HIF3A: variants seen among roughly 807,000 people sequenced by gnomAD.
HIF3A encodes hypoxia-inducible factor 3-alpha.
A neutral mutation model predicts 67.2 loss-of-function variants in HIF3A; 41 were observed. The ratio of observed to expected loss-of-function variants is 0.61; its 90% CI spans 0.48 to 0.79. The LOEUF (loss-of-function observed/expected upper bound fraction) is 0.79, where lower values mean the gene tolerates loss of function less well. HIF3A is among the 30% of genes least tolerant of loss of function. HIF3A has a pLI of 0.00. For synonymous variants in HIF3A, 356 were observed against 374.8 expected (o/e 0.95, Z 0.58); for missense variants, 855 against 898.0 (o/e 0.95, Z 0.61).
chr19:46,314,935 G>A (rs1322844627), intron 8 of HIF3A, among the ~76,000 whole-genome samples: 1 of 146,992 alleles, frequency 6.8e-6, no homozygotes, highest in Non-Finnish European at 1.5e-5. Flanking sequence ...GGCAACCACT[G>A]TCCTCAGACC....
intron 13 of HIF3A, among the ~76,000 whole-genome samples, chr19:46,333,693 C>T: frequency 6.6e-6 from 1 of 151,966 alleles, no homozygotes; most frequent in Non-Finnish European, 1.5e-5. Context: ...CTCAGCATCC[C>T]TTAACTACTG....
In HIF3A at chr19:46,338,499, G is replaced by A. The variant is rs1184857945; in HGVS notation, c.1913-1026G>A. ...ATTACTGGTATGAACCACCACGCCC[G>A]ACAGTAAATATGTTTTGAATGAATA... is the stretch of plus-strand genomic sequence containing the variant. On this transcript the variant is annotated intron_variant, in intron 14 of 14. Coordinates refer to ENST00000377670, the MANE Select transcript of HIF3A (RefSeq NM_152795.4). 20 of 1,144,382 alleles carry A rather than the reference G, an allele frequency of 1.7e-5. 1 individual carries two copies. Among genetic ancestry groups the A allele is most frequent in the African/African-American group, 1.2e-4 (7 of 60,194 alleles). The allele number at this position is 1,144,382 out of a possible 1,614,324, so 70.9% of individuals were successfully genotyped here. A position where few individuals can be genotyped will look rare whatever the true frequency, so the allele number is the denominator to read the frequency against.
At position 46,312,602 on chromosome 19, in the gene HIF3A, G is replaced by A. The variant is rs1369027911; in HGVS notation, c.974G>A (p.Gly325Glu). 1.9e-6 allele frequency: 3 copies of A among 1,599,568 alleles called. No homozygotes were observed. Among genetic ancestry groups the A allele is most frequent in the Non-Finnish European group, 2.6e-6 (3 of 1,172,762 alleles). Residue 325 changes from glycine to glutamate, a missense_variant, in exon 8 of 15, where the codon GGG becomes GAG. This residue lies in a region of HIF3A where 638 missense variants were observed against 660.5 expected (regional missense o/e 0.97). Transcript: ENST00000377670. ...WTQTQATVVS[G>E]GRGPQSESIV... ...CAGACCCAGGCCACAGTGGTGTCAG[G>A]GGGACGGGGCCCCCAGTCGGAGAGT...
rs540915779 is a variant in HIF3A, at chr19:46,329,472, G to A, written c.1706G>A (p.Arg569Gln). The A allele has an allele frequency of 2.2e-5, 34 of 1,516,324 alleles. No individual in the cohort carries two copies. Among genetic ancestry groups the A allele is most frequent in the East Asian group, 2.1e-4 (9 of 42,888 alleles). The allele number at this position is 1,516,324 out of a possible 1,614,324, so 93.9% of individuals were successfully genotyped here. A position where few individuals can be genotyped will look rare whatever the true frequency, so the allele number is the denominator to read the frequency against. ...PSASSPMAGA[R>Q]KRTLAQSSED... is the part of the protein sequence containing the mutation. The stretch of plus-strand genomic sequence containing the variant: ...GCATCCTCTCCCATGGCTGGGGCTC[G>A]GAAGAGGTGAGCCACAGTAAAGGGG... The change falls in exon 12 of 15, where the codon CGG becomes CAG. Residue 569 changes from arginine to glutamine, a missense_variant. This residue lies in a region of HIF3A where 199 missense variants were observed against 193.8 expected (regional missense o/e 1.03). Coordinates refer to ENST00000377670, the MANE Select transcript of HIF3A (RefSeq NM_152795.4).
At chr19:46,324,617 G>A (rs1488798103) in intron 10 of HIF3A, among the ~76,000 whole-genome samples, 1 of 151,756 alleles carries the variant, frequency 6.6e-6, no homozygotes, top group Admixed American at 6.6e-5. Context: ...ACTTTGGGAG[G>A]CTGAGGTGGG....
chr19:46,302,703 G>T (rs1968449148), intron 1 of HIF3A, among the ~76,000 whole-genome samples: 1 of 152,132 alleles, frequency 6.6e-6, no homozygotes, highest in South Asian at 2.1e-4. Context: ...ATGACACACT[G>T]TCTCTACAAA....
chr19:46,297,163 G>T lies in HIF3A; in HGVS notation c.26+61G>T. ...GGGGGCTCTCCTCCTGGAGACCCCT[G>T]AGCTGGATTGTTGGGGGGGGTGGGG... On this transcript the variant is annotated intron_variant, in intron 1 of 14. Coordinates refer to ENST00000377670, the MANE Select transcript of HIF3A (RefSeq NM_152795.4). This position sits in a 1 kb window ranked among gnomAD's most constrained non-coding sequence, Gnocchi z 4.5. The T allele has an allele frequency of 2.0e-6, 1 of 493,258 alleles. No homozygotes were observed. Among genetic ancestry groups the T allele is most frequent in the Non-Finnish European group, 3.3e-6 (1 of 307,084 alleles). The allele number at this position is 493,258 out of a possible 1,614,324, so 30.6% of individuals were successfully genotyped here. A position where few individuals can be genotyped will look rare whatever the true frequency, so the allele number is the denominator to read the frequency against.
At chr19:46,333,728 T>C (rs954452478) in intron 13 of HIF3A, among the ~76,000 whole-genome samples, 1 of 151,864 alleles carries the variant, frequency 6.6e-6, no homozygotes, top group African/African-American at 2.4e-5. Context: ...TGGATATATA[T>C]TTTTTTCCTT....
chr19:46,324,582 G>A (rs1037149919), intron 10 of HIF3A, among the ~76,000 whole-genome samples: 2 of 151,780 alleles, frequency 1.3e-5, no homozygotes, highest in Non-Finnish European at 2.9e-5. Flanking sequence ...GGCTGGGTGC[G>A]GTGGCTCATG....
chr19:46,335,007 C>G, intron 14 of HIF3A, 21 bp downstream of exon 14: 1 of 1,578,000 alleles, frequency 6.3e-7, no homozygotes, highest in South Asian at 1.1e-5. Context: ...ACCTGGGTAT[C>G]CAGAGCCCCA....
In HIF3A at chr19:46,340,638, C is replaced by T. The variant is rs1971901919; in HGVS notation, c.*1016C>T. Reference sequence around the variant, plus strand: ...GCCTCAACTTCCCAAATAGCCGGGACTACGGGCATGTGCCACATTGCCCGG... The same window carrying T: ...GCCTCAACTTCCCAAATAGCCGGGATTACGGGCATGTGCCACATTGCCCGG... On this transcript the variant is annotated 3_prime_UTR_variant, in exon 15 of 15. Transcript: ENST00000377670. 6.6e-6 allele frequency: 1 copy of T among 152,244 alleles called. No individual in the cohort carries two copies. The allele number at this position is 152,244 out of a possible 1,614,324, so 9.4% of individuals were successfully genotyped here.
chr19:46,303,063 G>C (rs1427192682), intron 1 of HIF3A, among the ~76,000 whole-genome samples: 1 of 152,212 alleles, frequency 6.6e-6, no homozygotes, highest in Non-Finnish European at 1.5e-5. Context: ...TTTGTGGGCA[G>C]GCACTGCACC....
In HIF3A at chr19:46,316,632, G is replaced by A. The variant is rs575847859; in HGVS notation, c.1026-3811G>A. Among the ~76,000 whole-genome samples, 10 of 152,056 alleles carry A rather than the reference G, an allele frequency of 6.6e-5. No individual in the cohort carries two copies. In the South Asian group the frequency reaches 1.5e-3, roughly 22 times the overall value. On this transcript the variant is annotated intron_variant, in intron 8 of 14. Coordinates refer to ENST00000377670, the MANE Select transcript of HIF3A (RefSeq NM_152795.4). ...AGGCTGACCAACATGGTGAAACCCC[G>A]TCTTTACTAAAAATACAAAAATTAG...
At chr19:46,300,931 C>A (rs997063388) in intron 1 of HIF3A, among the ~76,000 whole-genome samples, 1 of 152,100 alleles carries the variant, frequency 6.6e-6, no homozygotes, top group Non-Finnish European at 1.5e-5. Flanking sequence ...AGCCCAGCTG[C>A]CTGGGAGGTG....
At chr19:46,305,202 T>C (rs1361311750) in intron 2 of HIF3A, 43 bp from the exon 3 acceptor site, 1 of 1,612,878 alleles carries the variant, frequency 6.2e-7, no homozygotes, top group South Asian at 1.1e-5. Context: ...ATTCAGACCA[T>C]AACTGACTAG....
chr19:46,334,230 T>C (rs1395651856), intron 13 of HIF3A, among the ~76,000 whole-genome samples: 1 of 152,116 alleles, frequency 6.6e-6, no homozygotes, highest in Non-Finnish European at 1.5e-5. Flanking sequence ...TAGCTGGGAT[T>C]ACAGACATGC....
At chr19:46,336,966 A>G (rs1289800716) in intron 14 of HIF3A, among the ~76,000 whole-genome samples, 3 of 152,120 alleles carry the variant, frequency 2.0e-5, no homozygotes, top group African/African-American at 4.8e-5. Context: ...CAGCCTGGGC[A>G]ACACAGCAAG....
At chr19:46,324,810 C>T (rs147678412) in intron 10 of HIF3A, among the ~76,000 whole-genome samples, 2,952 of 150,826 alleles carry the variant, frequency 0.02, 38 homozygotes, top group Non-Finnish European at 0.031. Flanking sequence ...GCTGAGACCA[C>T]GCCATTGCAC....
chr19:46,329,678 C>G (rs559835070), intron 12 of HIF3A, among the ~76,000 whole-genome samples, 200 bp downstream of exon 12: 20 of 152,190 alleles, frequency 1.3e-4, no homozygotes, highest in Non-Finnish European at 2.8e-4. Flanking sequence ...CTGGAGTGCC[C>G]TCCACTGCTC....
Sources: gnomAD v4.1 joint callset for allele counts (sites outside exome capture counted in the v4.1 genomes callset) on GRCh38, gnomAD v4.1.1 for gene constraint, gnomAD v4.1.1 regional missense constraint, Gnocchi (gnomAD v3.1) non-coding constraint, MANE v1.5 for transcripts, NCBI Gene and HGNC (gene_info 2026-07-23, HGNC 2026-07-21) for gene names.